ABCA13: variants seen among roughly 807,000 people sequenced by gnomAD.
ABCA13 encodes ATP binding cassette subfamily A member 13.
A neutral mutation model predicts 478.7 loss-of-function variants in ABCA13; 476 were observed. That is an observed-to-expected ratio of 0.99 (90% CI 0.92 to 1.07). The LOEUF (loss-of-function observed/expected upper bound fraction) is 1.07. Among genes scored for constraint, ABCA13 ranks in the 50% least tolerant of loss-of-function variants. The probability of loss-of-function intolerance (pLI) is 0.00; values close to 1 mark genes in which losing one functional copy is unlikely to be tolerated. For synonymous variants in ABCA13, 2,252 were observed against 2,158.9 expected (o/e 1.04, Z -1.20); for missense variants, 6,060 against 5,910.6 (o/e 1.03, Z -0.83).
chr7:48,351,697 G>C (rs1456789372), intron 30 of ABCA13, among the ~76,000 whole-genome samples: 1 of 152,132 alleles, frequency 6.6e-6, no homozygotes, highest in African/African-American at 2.4e-5. Context: ...AGGTACTGGG[G>C]GTTAGGACTT....
intron 57 of ABCA13, among the ~76,000 whole-genome samples, chr7:48,592,602 A>G (rs189691458): frequency 3.3e-5 from 5 of 152,044 alleles, no homozygotes; most frequent in African/African-American, 1.2e-4. Context: ...TTTGGTCTAA[A>G]GGGTAGTTCA....
intron 43 of ABCA13, among the ~76,000 whole-genome samples, chr7:48,460,818 A>C (rs1252447431): frequency 2.0e-5 from 3 of 152,216 alleles, no homozygotes; most frequent in Non-Finnish European, 4.4e-5. Context: ...ACTGACAGTG[A>C]TTGTTGGTGT....
At position 48,626,665 on chromosome 7, in the gene ABCA13, G is replaced by T. The variant is rs1410719834; in HGVS notation, c.14837+11288G>T. The T allele has an allele frequency of 9.1e-6, 9 of 985,404 alleles. No homozygotes were observed. The South Asian group carries it at 2.8e-4, about 31-fold the overall frequency. The allele number at this position is 985,404 out of a possible 1,614,324, so 61.0% of individuals were successfully genotyped here. A position where few individuals can be genotyped will look rare whatever the true frequency, so the allele number is the denominator to read the frequency against. On this transcript the variant is annotated intron_variant, in intron 59 of 61. Transcript: ENST00000435803. ...AGCACATGGAGAAGGCAGCATGGGTGCAGGAGACGCTGAAGAACACGATAA... is the reference window on the plus strand; with the variant it reads ...AGCACATGGAGAAGGCAGCATGGGTTCAGGAGACGCTGAAGAACACGATAA...
intron 3 of ABCA13, among the ~76,000 whole-genome samples, chr7:48,210,067 T>C (rs1377761380): frequency 6.6e-6 from 1 of 152,214 alleles, no homozygotes; most frequent in Admixed American, 6.5e-5. Flanking sequence ...ATTCTTATGC[T>C]GCTATGAAGA....
intron 1 of ABCA13, among the ~76,000 whole-genome samples, chr7:48,191,563 C>T (rs1162660298): frequency 6.6e-6 from 1 of 152,120 alleles, no homozygotes; most frequent in Non-Finnish European, 1.5e-5. Context: ...GCCACCATGC[C>T]TGGCTAATTT....
intron 42 of ABCA13, among the ~76,000 whole-genome samples, chr7:48,437,647 G>A (rs12718271): frequency 0.3 from 45,225 of 151,812 alleles, 6,822 homozygotes; most frequent in East Asian, 0.38. Context: ...CTTTTAATGG[G>A]TAAGATTTCC....
chr7:48,598,311 G>A (rs1333695566), intron 58 of ABCA13, among the ~76,000 whole-genome samples: 1 of 152,084 alleles, frequency 6.6e-6, no homozygotes, highest in Admixed American at 6.6e-5. Flanking sequence ...ATGTACTACA[G>A]CTTATTTATC....
At chr7:48,598,851 C>A (rs1790576536) in intron 58 of ABCA13, among the ~76,000 whole-genome samples, 1 of 151,850 alleles carries the variant, frequency 6.6e-6, no homozygotes, top group East Asian at 1.9e-4. Context: ...CTATTTCAAG[C>A]TAAGTTTTGT....
At chr7:48,380,380 C>T (rs180970359) in intron 35 of ABCA13, among the ~76,000 whole-genome samples, 44 of 152,294 alleles carry the variant, frequency 2.9e-4, no homozygotes, top group African/African-American at 8.9e-4. Context: ...CAAACTCAAA[C>T]GCAGTGAGTG....
intron 38 of ABCA13, among the ~76,000 whole-genome samples, chr7:48,397,365 T>C (rs141663555): frequency 7.6e-4 from 116 of 152,116 alleles, no homozygotes; most frequent in African/African-American, 2.7e-3. Flanking sequence ...ATAAGCCAAA[T>C]GAATGGTTTT....
chr7:48,441,900 C>A (rs1391958102), intron 42 of ABCA13, among the ~76,000 whole-genome samples: 3 of 152,186 alleles, frequency 2.0e-5, no homozygotes, highest in African/African-American at 7.2e-5. Context: ...AAAATGAAAA[C>A]TGTGCGATGA....
chr7:48,413,385 G>A (rs1204266679), intron 41 of ABCA13, among the ~76,000 whole-genome samples: 3 of 152,168 alleles, frequency 2.0e-5, no homozygotes, highest in Non-Finnish European at 4.4e-5. Flanking sequence ...ACCACTCCAT[G>A]TGGGTTCTTC....
chr7:48,428,800 A>C (rs1412466668), intron 42 of ABCA13, among the ~76,000 whole-genome samples: 1 of 152,220 alleles, frequency 6.6e-6, no homozygotes, highest in Non-Finnish European at 1.5e-5. Context: ...ATTGAGATAT[A>C]ATTCACATAA....
At position 48,482,104 on chromosome 7, in the gene ABCA13, C is replaced by T. The variant is rs1009507803; in HGVS notation, c.13094+950C>T. 7.2e-5 allele frequency among the ~76,000 whole-genome samples: 11 copies of T among 151,802 alleles called. No homozygotes were observed. The East Asian group carries it at 2.1e-3, about 29-fold the overall frequency. ...AATAGATACAAGATACTGTGCAACT[C>T]ATGGAGATATTAAAAAAAGATATAA... On this transcript the variant is annotated intron_variant, in intron 46 of 61. Transcript: ENST00000435803.
At chr7:48,312,641 C>T (rs574184616) in intron 24 of ABCA13, among the ~76,000 whole-genome samples, 2 of 152,186 alleles carry the variant, frequency 1.3e-5, no homozygotes, top group Non-Finnish European at 2.9e-5. Context: ...GTATAATGCA[C>T]ATCCCCAAGG....
intron 23 of ABCA13, among the ~76,000 whole-genome samples, chr7:48,302,737 G>A (rs1207092214): frequency 2.6e-5 from 4 of 152,134 alleles, no homozygotes; most frequent in Non-Finnish European, 5.9e-5. Flanking sequence ...TCTTTGTCCA[G>A]TTTGCCCTTG....
intron 50 of ABCA13, among the ~76,000 whole-genome samples, chr7:48,508,821 C>T (rs1831434153): frequency 6.6e-6 from 1 of 152,178 alleles, no homozygotes; most frequent in South Asian, 2.1e-4. Context: ...ACACCAGGCA[C>T]AAATTTCCGC....
intron 41 of ABCA13, among the ~76,000 whole-genome samples, chr7:48,424,884 C>T (rs1349696987): frequency 6.6e-6 from 1 of 152,178 alleles, no homozygotes; most frequent in Admixed American, 6.5e-5. Flanking sequence ...TATTTGCCCT[C>T]TCTGTTAATT....
intron 55 of ABCA13, among the ~76,000 whole-genome samples, chr7:48,566,419 A>G (rs1344451064): frequency 6.6e-6 from 1 of 152,190 alleles, no homozygotes; most frequent in Non-Finnish European, 1.5e-5. Flanking sequence ...ATGCAAGTGC[A>G]TGGAAACCGT....
Sources: gnomAD v4.1 joint callset for allele counts (sites outside exome capture counted in the v4.1 genomes callset) on GRCh38, gnomAD v4.1.1 for gene constraint, MANE v1.5 for transcripts, NCBI Gene and HGNC (gene_info 2026-07-23, HGNC 2026-07-21) for gene names.